Variants in AP1AR observed in about 807,000 individuals in gnomAD.
The protein encoded by AP1AR is adaptor related protein complex 1 associated regulatory protein, also known as AP-1 complex-associated regulatory protein.
Under a neutral mutation model 46.3 loss-of-function variants are expected in AP1AR, and 29 were observed. The ratio of observed to expected loss-of-function variants is 0.63; its 90% CI spans 0.47 to 0.85. AP1AR has a LOEUF of 0.85. AP1AR is among the 40% of genes least tolerant of loss of function. The pLI is 0.00. For missense variants in AP1AR, 357 were observed against 356.3 expected (o/e 1.00, Z -0.02); for synonymous variants, 122 against 122.9 (o/e 0.99, Z 0.05).
rs1269804904 is a variant in AP1AR at position 112,254,755 on chromosome 4, T to C, written c.141T>C (p.Asn47=). 2.7e-6 allele frequency: 4 copies of C among 1,507,756 alleles called. No individual in the cohort carries two copies. In the Admixed American group the frequency reaches 8.5e-5, roughly 32 times the overall value. The allele number at this position is 1,507,756 out of a possible 1,614,324, so 93.4% of individuals were successfully genotyped here. A position where few individuals can be genotyped will look rare whatever the true frequency, so the allele number is the denominator to read the frequency against. Residue 47 remains asparagine, a synonymous_variant, in exon 3 of 10, where the codon AAT becomes AAC. Coordinates refer to ENST00000274000, the MANE Select transcript of AP1AR (RefSeq NM_018569.6). ...RGEHLTIEFE[N]LVESDEGESP... The stretch of plus-strand genomic sequence containing the variant: ...CTTTTTTGTCCTTTCAGTTTGAGAA[T>C]CTAGTAGAAAGTGATGAAGTAAGTA...
chr4:112,259,917 ACTC>A (rs1391401740), intron 4 of AP1AR, among the ~76,000 whole-genome samples: 1 of 152,076 alleles, frequency 6.6e-6, no homozygotes, highest in Non-Finnish European at 1.5e-5. Context: ...CATGGTTGAT[ACTC>A]CTCATTTCTT....
chr4:112,243,369 C>G (rs1284615979), intron 1 of AP1AR, among the ~76,000 whole-genome samples: 1 of 152,218 alleles, frequency 6.6e-6, no homozygotes. Flanking sequence ...CCCATCATCT[C>G]TTGTTTTCCA....
intron 5 of AP1AR, among the ~76,000 whole-genome samples, chr4:112,261,726 T>G (rs909616874): frequency 2.6e-5 from 4 of 152,008 alleles, no homozygotes; most frequent in Non-Finnish European, 5.9e-5. Flanking sequence ...TCCAGCACTT[T>G]GGGAGACTGA....
At chr4:112,250,686 G>T (rs567435434) in intron 1 of AP1AR, among the ~76,000 whole-genome samples, 13 of 152,214 alleles carry the variant, frequency 8.5e-5, no homozygotes, top group Admixed American at 6.5e-5. Context: ...TTGCCAAATC[G>T]AGTATTTACT....
chr4:112,263,300 A>G (rs1726533400), intron 6 of AP1AR, among the ~76,000 whole-genome samples: 2 of 152,232 alleles, frequency 1.3e-5, no homozygotes, highest in Admixed American at 6.5e-5. Flanking sequence ...ACTCAATGCT[A>G]TTTAGCTTTA....
intron 4 of AP1AR, among the ~76,000 whole-genome samples, chr4:112,258,243 T>A (rs112631434): frequency 2.0e-4 from 31 of 152,096 alleles, no homozygotes; most frequent in Admixed American, 5.9e-4. Context: ...ACTTGAAGTA[T>A]CTTTAAGTCA....
rs1042268155 is a variant in AP1AR, at chr4:112,270,289, G to T, written c.*1880G>T. On this transcript the variant is annotated 3_prime_UTR_variant, in exon 10 of 10. Coordinates refer to ENST00000274000, the MANE Select transcript of AP1AR (RefSeq NM_018569.6). ...ATTGGAATAGTATTTAATATTATTG[G>T]AACTGTGTCTGGTGGGTGTTAGGGA... 4.6e-5 allele frequency among the ~76,000 whole-genome samples: 7 copies of T among 152,166 alleles called. No individual in the cohort carries two copies. Among genetic ancestry groups the T allele is most frequent in the African/African-American group, 1.7e-4 (7 of 41,446 alleles).
Position 112,268,145 on chromosome 4 carries a change from A to C in AP1AR, c.645A>C (p.Gly215=). 5 of 1,544,144 alleles carry C rather than the reference A, an allele frequency of 3.2e-6. No homozygotes were observed. The highest frequency in any genetic ancestry group is 4.4e-6 in the Non-Finnish European group (5 of 1,147,528). The change falls in exon 10 of 10, where the codon GGA becomes GGC. Residue 215 remains glycine (G), a splice_region_variant and synonymous_variant. Transcript: ENST00000274000. Reference sequence around the variant, plus strand: ...TTGAAAACTCTGTTCAAATCATAGGAATGAATAGAATGCTTCCAATGAGAG... The same window carrying C: ...TTGAAAACTCTGTTCAAATCATAGGCATGAATAGAATGCTTCCAATGAGAG... ...SLDLEWEDEE[G]MNRMLPMRER...
intron 1 of AP1AR, 85 bp from the exon 2 acceptor site, chr4:112,253,123 G>A: frequency 9.9e-7 from 1 of 1,010,286 alleles, no homozygotes; most frequent in Non-Finnish European, 1.5e-6. Flanking sequence ...AGTTGCTCTT[G>A]AGGAAATAAA....
At chr4:112,241,368 A>G (rs1209643749) in intron 1 of AP1AR, among the ~76,000 whole-genome samples, 1 of 152,216 alleles carries the variant, frequency 6.6e-6, no homozygotes, top group Non-Finnish European at 1.5e-5. Flanking sequence ...ATTGCCTCAT[A>G]TGATTATGGA....
chr4:112,243,465 C>G (rs974092603), intron 1 of AP1AR, among the ~76,000 whole-genome samples: 1 of 152,196 alleles, frequency 6.6e-6, no homozygotes, highest in African/African-American at 2.4e-5. Context: ...CCTAGTCCAT[C>G]TTATTCTTGC....
intron 1 of AP1AR, among the ~76,000 whole-genome samples, chr4:112,245,284 CA>C (rs1462295539): frequency 2.0e-5 from 3 of 151,968 alleles, no homozygotes; most frequent in Admixed American, 6.6e-5. Flanking sequence ...ATAATGTGAA[CA>C]GTGTTATATA....
rs1417922890 is a variant in AP1AR at position 112,247,820 on chromosome 4, T to A, written c.84-5388T>A. On this transcript the variant is annotated intron_variant, in intron 1 of 9. Coordinates refer to ENST00000274000, the MANE Select transcript of AP1AR (RefSeq NM_018569.6). ...GAATGATAGAATTTAAAAATCATTG[T>A]TTTTGTACTCTGTAGTGAAATAATG... Among the ~76,000 whole-genome samples the A allele has an allele frequency of 2.0e-5, 3 of 152,238 alleles. No individual in the cohort carries two copies. In the South Asian group the frequency reaches 6.2e-4, roughly 31 times the overall value.
intron 4 of AP1AR, among the ~76,000 whole-genome samples, chr4:112,258,965 G>T (rs1405917775): frequency 1.3e-5 from 2 of 152,144 alleles, no homozygotes; most frequent in African/African-American, 4.8e-5. Flanking sequence ...CTGAGGTGGG[G>T]GTTTGGGGAG....
Position 112,266,613 on chromosome 4 carries a change from G to A in AP1AR, c.540G>A (p.Leu180=), listed in dbSNP as rs747389238. ...GACTCTCATCAGATGCTACAGTTTT[G>A]ACACCAAATACAGAAAGCAGTTGTG... is the stretch of plus-strand genomic sequence containing the variant. ...SSRLSSDATV[L]TPNTESSCDL... The change falls in exon 9 of 10, where the codon TTG becomes TTA. Residue 180 remains leucine (L), a synonymous_variant. Coordinates refer to ENST00000274000, the MANE Select transcript of AP1AR (RefSeq NM_018569.6). 1 of 1,610,414 alleles carries A rather than the reference G, an allele frequency of 6.2e-7. No homozygotes were observed. The highest frequency in any genetic ancestry group is 8.5e-7 in the Non-Finnish European group (1 of 1,177,632).
chr4:112,233,560 T>A (rs1725112820), intron 1 of AP1AR, among the ~76,000 whole-genome samples: 4 of 152,264 alleles, frequency 2.6e-5, no homozygotes, highest in Admixed American at 2.0e-4. Context: ...TATTTGTAGT[T>A]GTGTTACAGG....
chr4:112,233,252 C>T (rs1036168784), intron 1 of AP1AR, among the ~76,000 whole-genome samples: 4 of 152,094 alleles, frequency 2.6e-5, no homozygotes, highest in Non-Finnish European at 1.5e-5. Context: ...ATAGGATTCT[C>T]ATTCATTAAT....
chr4:112,262,854 T>C, intron 5 of AP1AR, 134 bp from the exon 6 acceptor site: 5 of 646,126 alleles, frequency 7.7e-6, no homozygotes, highest in Non-Finnish European at 1.3e-5. Flanking sequence ...AACATTTCAA[T>C]TCTGTTATGC....
chr4:112,249,154 C>T (rs1055222115), intron 1 of AP1AR, among the ~76,000 whole-genome samples: 2 of 151,734 alleles, frequency 1.3e-5, no homozygotes, highest in East Asian at 1.9e-4. Flanking sequence ...ATTAGCGGGG[C>T]GTGGTGGTGC....
Sources: gnomAD v4.1 joint callset for allele counts (sites outside exome capture counted in the v4.1 genomes callset) on GRCh38, gnomAD v4.1.1 for gene constraint, MANE v1.5 for transcripts, NCBI Gene and HGNC (gene_info 2026-07-23, HGNC 2026-07-21) for gene names.